Variants in CTIF observed in about 807,000 individuals in gnomAD.
CTIF encodes the protein CBP80/20-dependent translation initiation factor.
Under a neutral mutation model 66.0 loss-of-function variants are expected in CTIF, and 21 were observed. The ratio of observed to expected loss-of-function variants is 0.32; its 90% CI spans 0.23 to 0.46. CTIF has a LOEUF of 0.46. Ranked by LOEUF, CTIF falls within the 20% of genes least tolerant of loss-of-function variation. CTIF has a pLI of 1.00. For missense variants in CTIF, 739 were observed against 812.7 expected, an observed-to-expected ratio of 0.91 and a Z score of 1.10; for synonymous variants, 345 against 326.4, an observed-to-expected ratio of 1.06 and a Z score of -0.62.
chr18:48,808,807 A>C (rs2068204129), intron 9 of CTIF, among the ~76,000 whole-genome samples: 1 of 152,232 alleles, frequency 6.6e-6, no homozygotes, highest in African/African-American at 2.4e-5. Flanking sequence ...GGATAAGTTA[A>C]GAGTAGTGTA....
intron 6 of CTIF, among the ~76,000 whole-genome samples, chr18:48,693,771 A>G (rs1308779428): frequency 6.6e-6 from 1 of 152,196 alleles, no homozygotes; most frequent in Non-Finnish European, 1.5e-5. Context: ...GTTTTTATAA[A>G]TAAAGCTTTA....
At chr18:48,615,895 C>G (rs1028115878) in intron 1 of CTIF, among the ~76,000 whole-genome samples, 1 of 152,246 alleles carries the variant, frequency 6.6e-6, no homozygotes, top group African/African-American at 2.4e-5. Context: ...ACCCGCAGAG[C>G]GAGTCCTCTT....
intron 1 of CTIF, among the ~76,000 whole-genome samples, chr18:48,563,619 A>G (rs930463529): frequency 6.6e-6 from 1 of 152,138 alleles, no homozygotes; most frequent in Non-Finnish European, 1.5e-5. Context: ...TTATAGGTGC[A>G]CACCACCACA....
chr18:48,631,639 C>G (rs1244640625), intron 2 of CTIF, among the ~76,000 whole-genome samples: 1 of 152,224 alleles, frequency 6.6e-6, no homozygotes, highest in Non-Finnish European at 1.5e-5. Flanking sequence ...TTTATTAAGT[C>G]TTAACCCTGT....
At position 48,562,973 on chromosome 18, in the gene CTIF, T is replaced by C. The variant is rs543297285; in HGVS notation, c.-29+23661T>C. Reference sequence around the variant, plus strand: ...AATGACACTTCACACTGAAAAGATATTGACGCTGAAAGGAGATTCACGCTG... The same window carrying C: ...AATGACACTTCACACTGAAAAGATACTGACGCTGAAAGGAGATTCACGCTG... On this transcript the variant is annotated intron_variant, in intron 1 of 11. Transcript: ENST00000256413. Among the ~76,000 whole-genome samples the C allele has an allele frequency of 6.6e-5, 10 of 152,348 alleles. No individual in the cohort carries two copies. The East Asian group carries it at 1.7e-3, about 26-fold the overall frequency.
Position 48,860,179 on chromosome 18 carries a change from A to G in CTIF, c.*620A>G, listed in dbSNP as rs887368577. The G allele has an allele frequency of 4.2e-5, 15 of 353,386 alleles. No homozygotes were observed. The highest frequency in any genetic ancestry group is 6.2e-5 in the South Asian group (3 of 48,002). 21.9% of individuals were successfully genotyped at this position (353,386 alleles called of 1,614,324 possible). ...CCAAGTCCTCCTCACTGCAGCCCCC[A>G]CAGCCTCAGGCCTAGGGGGTCAGGC... On this transcript the variant is annotated 3_prime_UTR_variant, in exon 12 of 12. Transcript: ENST00000256413.
chr18:48,712,630 T>G (rs1040130077), intron 7 of CTIF, among the ~76,000 whole-genome samples: 3 of 152,244 alleles, frequency 2.0e-5, no homozygotes, highest in African/African-American at 7.2e-5. Flanking sequence ...GATGACGGCT[T>G]TTGGTTCTAC....
chr18:48,852,615 C>G (rs2069232689), intron 10 of CTIF, among the ~76,000 whole-genome samples: 1 of 152,214 alleles, frequency 6.6e-6, no homozygotes, highest in South Asian at 2.1e-4. Context: ...TCCGCAGACC[C>G]CAGTGCGGGA....
chr18:48,706,357 G>A (rs572723467), intron 6 of CTIF, among the ~76,000 whole-genome samples: 3 of 152,128 alleles, frequency 2.0e-5, no homozygotes, highest in African/African-American at 4.8e-5. Context: ...AGGCATAGAC[G>A]GGTGGGTGGC....
chr18:48,588,039 C>G (rs2089808680), intron 1 of CTIF, among the ~76,000 whole-genome samples: 1 of 152,180 alleles, frequency 6.6e-6, no homozygotes, highest in Admixed American at 6.5e-5. Context: ...TTCCTTCTCT[C>G]CTTTCTCAGT....
At chr18:48,596,710 T>C (rs1049499864) in intron 1 of CTIF, among the ~76,000 whole-genome samples, 5 of 152,128 alleles carry the variant, frequency 3.3e-5, no homozygotes, top group African/African-American at 9.7e-5. Flanking sequence ...TCTTCTGATC[T>C]TGTGATCCGC....
chr18:48,722,836 C>T (rs868394501), intron 7 of CTIF, among the ~76,000 whole-genome samples: 7 of 152,200 alleles, frequency 4.6e-5, no homozygotes, highest in African/African-American at 1.7e-4. Flanking sequence ...AAGCACTTGG[C>T]TGTACTCATT....
chr18:48,794,390 A>T (rs539356780), intron 9 of CTIF, among the ~76,000 whole-genome samples: 2 of 152,202 alleles, frequency 1.3e-5, no homozygotes, highest in Non-Finnish European at 1.5e-5. Flanking sequence ...TCTAAGGGCC[A>T]TCTGCAACTC....
At chr18:48,775,696 C>T (rs1323364792) in intron 9 of CTIF, among the ~76,000 whole-genome samples, 1 of 152,204 alleles carries the variant, frequency 6.6e-6, no homozygotes, top group Non-Finnish European at 1.5e-5. Context: ...AGGGGCAAGC[C>T]CTGTAAGTGG....
chr18:48,590,507 A>G (rs1345840284), intron 1 of CTIF, among the ~76,000 whole-genome samples: 1 of 151,072 alleles, frequency 6.6e-6, no homozygotes, highest in African/African-American at 2.4e-5. Context: ...TCTGCAGAGA[A>G]GAAAGACTGG....
intron 1 of CTIF, among the ~76,000 whole-genome samples, chr18:48,547,524 C>T (rs2088780033): frequency 6.6e-6 from 1 of 152,242 alleles, no homozygotes; most frequent in Admixed American, 6.5e-5. Context: ...TTCCAATGTG[C>T]TTGCTGCTTG....
At chr18:48,837,608 C>G (rs377181678) in intron 10 of CTIF, among the ~76,000 whole-genome samples, 2 of 152,144 alleles carry the variant, frequency 1.3e-5, no homozygotes, top group African/African-American at 2.4e-5. Flanking sequence ...CTCTGCCACT[C>G]CCATCCACCT....
intron 1 of CTIF, among the ~76,000 whole-genome samples, chr18:48,575,819 C>T (rs932744766): frequency 3.9e-5 from 6 of 152,250 alleles, no homozygotes; most frequent in African/African-American, 9.6e-5. Context: ...AAACACAGAA[C>T]AGCAACCACC....
At chr18:48,808,587 A>AAGAG (rs2068199202) in intron 9 of CTIF, among the ~76,000 whole-genome samples, 1 of 151,020 alleles carries the variant, frequency 6.6e-6, no homozygotes, top group African/African-American at 2.4e-5. Context: ...AGTGTGAAGT[A>AAGAG]AGATTCTAAA....
Sources: allele counts gnomAD v4.1 joint callset (sites outside exome capture counted in the v4.1 genomes callset), GRCh38; gene constraint gnomAD v4.1.1; transcripts MANE v1.5; gene names NCBI Gene and HGNC (gene_info 2026-07-23, HGNC 2026-07-21).